MED13: variants seen among roughly 807,000 people sequenced by gnomAD.
MED13 encodes the protein mediator complex subunit 13.
In MED13, 23 loss-of-function variants were observed where a neutral mutation model predicts 225.2. The ratio of observed to expected loss-of-function variants is 0.10; its 90% CI spans 0.07 to 0.14. The LOEUF is 0.14. Among genes scored for constraint, MED13 ranks in the 10% least tolerant of loss-of-function variants. MED13 has a pLI of 1.00. For missense variants in MED13, 2,197 were observed against 2,594.5 expected, an observed-to-expected ratio of 0.85 and a Z score of 3.33; for synonymous variants, 942 against 889.2, an observed-to-expected ratio of 1.06 and a Z score of -1.06.
At chr17:62,014,149 CT>C (rs2080538745) in intron 8 of MED13, among the ~76,000 whole-genome samples, 1 of 151,866 alleles carries the variant, frequency 6.6e-6, no homozygotes, top group Non-Finnish European at 1.5e-5. Context: ...CAGATACTGT[CT>C]CTCTCTGACG....
At chr17:61,950,249 T>C (rs971239678) in intron 28 of MED13, among the ~76,000 whole-genome samples, 8 of 152,066 alleles carry the variant, frequency 5.3e-5, no homozygotes, top group African/African-American at 1.7e-4. Context: ...ATCTCCAATT[T>C]GAAAAAATCC....
intron 9 of MED13, among the ~76,000 whole-genome samples, chr17:61,998,172 A>G (rs1216073157): frequency 6.6e-6 from 1 of 152,206 alleles, no homozygotes; most frequent in Non-Finnish European, 1.5e-5. Flanking sequence ...GTCAACATCA[A>G]TTATATAGTA....
In MED13 at chr17:61,945,795, T is replaced by C. The variant is rs2079847554; in HGVS notation, c.*673A>G. ...TGGTATGGACATTATTCCCCCTCTA[T>C]CCCCGTTAAACTGTACATCGAGACA... is the stretch of plus-strand genomic sequence containing the variant. On this transcript the variant is annotated 3_prime_UTR_variant, in exon 30 of 30. Transcript: ENST00000397786. 1 of 152,458 alleles carries C rather than the reference T, an allele frequency of 6.6e-6. No individual in the cohort carries two copies. 9.4% of individuals were successfully genotyped at this position (152,458 alleles called of 1,614,324 possible). A position where few individuals can be genotyped will look rare whatever the true frequency, so the allele number is the denominator to read the frequency against.
intron 3 of MED13, among the ~76,000 whole-genome samples, chr17:62,049,094 A>AAAAAAAAAAAAAAAAAAAAAAAC (rs2080930064): frequency 6.6e-6 from 1 of 151,082 alleles, no homozygotes; most frequent in African/African-American, 2.4e-5. Context: ...AAAAAAAAAA[A>AAAAAAAAAAAAAAAAAAAAAAAC]AGGAGAAATG....
intron 3 of MED13, among the ~76,000 whole-genome samples, chr17:62,051,633 A>G (rs947886372): frequency 1.0e-4 from 15 of 147,504 alleles, no homozygotes; most frequent in Non-Finnish European, 1.5e-4. Flanking sequence ...AAAAAGTTTG[A>G]AAAAACAAAC....
At chr17:61,949,248 G>C (rs1279613018) in intron 28 of MED13, among the ~76,000 whole-genome samples, 5 of 151,468 alleles carry the variant, frequency 3.3e-5, no homozygotes, top group Admixed American at 1.3e-4. Context: ...TTGTTTTTTT[G>C]AGAGAGGGTC....
intron 9 of MED13, among the ~76,000 whole-genome samples, chr17:62,009,543 T>C (rs894690717): frequency 3.9e-5 from 6 of 152,208 alleles, no homozygotes; most frequent in African/African-American, 1.2e-4. Context: ...TTGCATGCTG[T>C]AAATTACTGA....
intron 8 of MED13, among the ~76,000 whole-genome samples, chr17:62,017,737 A>C (rs915695411): frequency 6.6e-6 from 1 of 152,198 alleles, no homozygotes; most frequent in African/African-American, 2.4e-5. Context: ...TGATAGTATC[A>C]CTTAAGAATG....
intron 2 of MED13, among the ~76,000 whole-genome samples, chr17:62,059,107 A>G (rs975010366): frequency 6.6e-6 from 1 of 152,242 alleles, no homozygotes; most frequent in Non-Finnish European, 1.5e-5. Flanking sequence ...AGACATGACA[A>G]TTAAATGTAA....
At chr17:62,065,007 C>T in intron 1 of MED13, 133 bp downstream of exon 1, 3 of 703,142 alleles carry the variant, frequency 4.3e-6, no homozygotes, top group South Asian at 3.0e-5. Flanking sequence ...CGCGGAGCTT[C>T]GCAGGGCGCC....
At chr17:62,038,043 A>C (rs921242032) in intron 3 of MED13, among the ~76,000 whole-genome samples, 14 of 149,354 alleles carry the variant, frequency 9.4e-5, no homozygotes, top group Admixed American at 2.0e-4. Context: ...TCCTTTAATC[A>C]GTGGAGTATA....
chr17:61,977,220 C>T (rs2080164697), intron 16 of MED13, among the ~76,000 whole-genome samples: 1 of 151,944 alleles, frequency 6.6e-6, no homozygotes, highest in Non-Finnish European at 1.5e-5. Context: ...ATAGTCCACA[C>T]TATGGAAAAA....
chr17:61,982,536 C>T lies in MED13; in HGVS notation c.3467G>A (p.Gly1156Asp), dbSNP rs750571323. 2.5e-6 allele frequency: 4 copies of T among 1,614,158 alleles called. No individual in the cohort carries two copies. Among genetic ancestry groups the T allele is most frequent in the Non-Finnish European group, 3.4e-6 (4 of 1,180,010 alleles). Reference protein sequence around the residue: ...LDIIGRNTDCGKEAEKRFEAL... With the variant: ...LDIIGRNTDCDKEAEKRFEAL... ...TTCAAAACGTTTTTCTGCTTCTTTG[C>T]CACAGTCTGTATTGCGTCCTATGAT... The change falls in exon 16 of 30, where the codon GGC (glycine) becomes GAC (aspartate). Residue 1156 changes from glycine (G) to aspartate (D), a missense_variant. Coordinates refer to ENST00000397786, the MANE Select transcript of MED13 (RefSeq NM_005121.3).
At chr17:62,029,160 T>C in intron 8 of MED13, 1 of 161,200 alleles carries the variant, frequency 6.2e-6, no homozygotes, top group Non-Finnish European at 1.3e-5. Context: ...CTTCATTTTT[T>C]AAAAAAAGAA....
At chr17:62,017,184 G>A (rs1399377948) in intron 8 of MED13, among the ~76,000 whole-genome samples, 2 of 138,444 alleles carry the variant, frequency 1.4e-5, no homozygotes, top group African/African-American at 2.7e-5. Context: ...CATGTTTGAA[G>A]TTTCTAATAA....
At chr17:62,038,002 G>A (rs1489754491) in intron 3 of MED13, among the ~76,000 whole-genome samples, 1 of 140,186 alleles carries the variant, frequency 7.1e-6, no homozygotes, top group Non-Finnish European at 1.5e-5. Context: ...GCGGCTAGGA[G>A]ACCTGAATTT....
rs1412936170 is a variant in MED13 at position 61,966,908 on chromosome 17, A to G, written c.4192-257T>C. ...TTTCAAAATTAAAATATCTCTAATG[A>G]AAAAACACCTAGATAACAATAGTAC... On this transcript the variant is annotated intron_variant, in intron 18 of 29. Transcript: ENST00000397786. Among the ~76,000 whole-genome samples, 3 of 152,290 alleles carry G rather than the reference A, an allele frequency of 2.0e-5. No homozygotes were observed. In the East Asian group the frequency reaches 5.8e-4, roughly 29 times the overall value.
At chr17:62,005,304 T>G (rs2080436086) in intron 9 of MED13, 1 of 152,228 alleles carries the variant, frequency 6.6e-6, no homozygotes, top group Non-Finnish European at 1.5e-5. Context: ...CAGATTAATT[T>G]TAATTAAAAA....
At chr17:62,020,405 T>A (rs539984124) in intron 8 of MED13, among the ~76,000 whole-genome samples, 18 of 152,256 alleles carry the variant, frequency 1.2e-4, no homozygotes, top group African/African-American at 4.3e-4. Flanking sequence ...TTTTAGACAG[T>A]CTCGCTCTTT....
Sources: allele counts gnomAD v4.1 joint callset (sites outside exome capture counted in the v4.1 genomes callset), GRCh38; gene constraint gnomAD v4.1.1; transcripts MANE v1.5; gene names NCBI Gene and HGNC (gene_info 2026-07-23, HGNC 2026-07-21).